Variants in MYO6 observed in about 807,000 individuals in gnomAD.
The protein encoded by MYO6 is myosin VI, also known as unconventional myosin-VI.
Under a neutral mutation model 178.7 loss-of-function variants are expected in MYO6, and 74 were observed. That is an observed-to-expected ratio of 0.41 (90% CI 0.34 to 0.50). MYO6 has a LOEUF of 0.50. Ranked by LOEUF, MYO6 falls within the 20% of genes least tolerant of loss-of-function variation. MYO6 has a pLI of 0.09. For missense variants in MYO6, 1,330 were observed against 1,547.4 expected (o/e 0.86, Z 2.36); for synonymous variants, 477 against 504.6 (o/e 0.95, Z 0.73).
chr6:75,844,789 T>G, intron 9 of MYO6, 108 bp from the exon 10 acceptor site: 1 of 833,332 alleles, frequency 1.2e-6, no homozygotes, highest in Admixed American at 1.9e-5. Flanking sequence ...ACTCAAGTTG[T>G]GTTTAGAAAT....
intron 28 of MYO6, 46 bp downstream of exon 28, chr6:75,892,736 C>T: frequency 1.3e-6 from 2 of 1,597,368 alleles, no homozygotes; most frequent in Non-Finnish European, 1.7e-6. Context: ...CCTTTGCTTT[C>T]TCTACCTCTC....
At chr6:75,763,513 C>T (rs1385703813) in intron 1 of MYO6, among the ~76,000 whole-genome samples, 2 of 152,086 alleles carry the variant, frequency 1.3e-5, no homozygotes, top group South Asian at 2.1e-4. Context: ...TATAAACATG[C>T]CAAAATGAAA....
At chr6:75,899,980 GTGGTGTT>G (rs1779618389) in intron 30 of MYO6, among the ~76,000 whole-genome samples, 1 of 147,114 alleles carries the variant, frequency 6.8e-6, no homozygotes. Context: ...GTGAGAATAT[GTGGTGTT>G]TGGTTTTTTG....
intron 33 of MYO6, among the ~76,000 whole-genome samples, chr6:75,913,612 A>T (rs879291611): frequency 6.6e-6 from 1 of 152,224 alleles, no homozygotes; most frequent in African/African-American, 2.4e-5. Flanking sequence ...ACAAATGTCT[A>T]CATCCTTCAG....
Position 75,886,006 on chromosome 6 carries a change from A to G in MYO6, c.2419A>G (p.Lys807Glu). 6.3e-7 allele frequency: 1 copy of G among 1,590,582 alleles called. No individual in the cohort carries two copies. The highest frequency in any genetic ancestry group is 8.6e-7 in the Non-Finnish European group (1 of 1,159,812). The part of the protein sequence containing the change: ...QWCSLSVIKL[K>E]NKIKYRAEAC... ...TTTTATTTTACTCTTACACATAGTG[A>G]AAAACAAAATAAAATATCGAGCTGA... Residue 807 changes from lysine (K) to glutamate (E), a missense_variant and splice_region_variant, in exon 24 of 35, where the codon AAA becomes GAA. Coordinates refer to ENST00000369977, the MANE Select transcript of MYO6 (RefSeq NM_004999.4).
At position 75,787,163 on chromosome 6, in the gene MYO6, C is replaced by A. The variant is rs148605431; in HGVS notation, c.-47-30338C>A. ...ACTAGAAAGGCTAAAATTTTTTACA[C>A]TTATACTACTAAATGCTAGCAAGGA... On this transcript the variant is annotated intron_variant, in intron 1 of 34. Coordinates refer to ENST00000369977, the MANE Select transcript of MYO6 (RefSeq NM_004999.4). Among the ~76,000 whole-genome samples, 206 of 152,262 alleles carry A rather than the reference C, an allele frequency of 1.4e-3. 1 individual carries two copies. The highest frequency in any genetic ancestry group is 4.6e-3 in the African/African-American group (193 of 41,552).
chr6:75,757,298 ATG>A (rs1402004646), intron 1 of MYO6, among the ~76,000 whole-genome samples: 5 of 148,714 alleles, frequency 3.4e-5, no homozygotes, highest in Non-Finnish European at 7.5e-5. Context: ...ATGTGTGTGT[ATG>A]TATACACACA....
intron 1 of MYO6, among the ~76,000 whole-genome samples, chr6:75,781,487 G>A (rs1015851785): frequency 6.6e-6 from 1 of 152,106 alleles, no homozygotes; most frequent in African/African-American, 2.4e-5. Context: ...ACAGTGAGAG[G>A]GATATTTTTT....
chr6:75,808,671 A>C (rs71561445), intron 1 of MYO6, among the ~76,000 whole-genome samples: 3 of 152,182 alleles, frequency 2.0e-5, no homozygotes, highest in South Asian at 2.1e-4. Context: ...GTCTCAACCA[A>C]TTTAGAAAGT....
At chr6:75,761,288 G>A (rs1356439902) in intron 1 of MYO6, among the ~76,000 whole-genome samples, 4 of 152,232 alleles carry the variant, frequency 2.6e-5, no homozygotes, top group African/African-American at 9.6e-5. Flanking sequence ...AGAGGTTTAT[G>A]TTAAAGGTTT....
intron 34 of MYO6, 33 bp from the exon 35 acceptor site, chr6:75,914,779 GA>G (rs1781022787): frequency 6.3e-7 from 1 of 1,599,032 alleles, no homozygotes; most frequent in East Asian, 2.2e-5. Flanking sequence ...CCTGAAGAGA[GA>G]GATGGTAATT....
At chr6:75,908,919 A>G (rs1780553827) in intron 32 of MYO6, among the ~76,000 whole-genome samples, 1 of 152,234 alleles carries the variant, frequency 6.6e-6, no homozygotes, top group African/African-American at 2.4e-5. Flanking sequence ...ACACGTGCAC[A>G]CACTCACAAG....
At position 75,918,665 on chromosome 6, in the gene MYO6, C is replaced by G. The variant is rs769141318; in HGVS notation, c.*3653C>G. 1 of 152,208 alleles carries G rather than the reference C, an allele frequency of 6.6e-6. No homozygotes were observed. Among genetic ancestry groups the G allele is most frequent in the African/African-American group, 2.4e-5 (1 of 41,458 alleles). 9.4% of individuals were successfully genotyped at this position (152,208 alleles called of 1,614,324 possible). A position where few individuals can be genotyped will look rare whatever the true frequency, so the allele number is the denominator to read the frequency against. On this transcript the variant is annotated 3_prime_UTR_variant, in exon 35 of 35. Coordinates refer to ENST00000369977, the MANE Select transcript of MYO6 (RefSeq NM_004999.4). ...CACCTACTCTGCTGGGAGCACTTCT[C>G]TGAGTACGCTTTAGTTCAATTCAAA...
Position 75,873,194 on chromosome 6 carries a change from T to C in MYO6, c.1984-13T>C. ...TATATGTATTGTAACAAAAAGTACC[T>C]TTATTTTCCTAGGGAGCAAGCTTTA... is the stretch of plus-strand genomic sequence containing the variant. On this transcript the variant is annotated splice_polypyrimidine_tract_variant and intron_variant, in intron 19 of 34. Coordinates refer to ENST00000369977, the MANE Select transcript of MYO6 (RefSeq NM_004999.4). 6.2e-7 allele frequency: 1 copy of C among 1,609,998 alleles called. No homozygotes were observed. The highest frequency in any genetic ancestry group is 2.2e-5 in the East Asian group (1 of 44,832).
chr6:75,822,872 T>G, intron 3 of MYO6, 21 bp downstream of exon 3: 2 of 1,571,838 alleles, frequency 1.3e-6, no homozygotes, highest in South Asian at 1.1e-5. Flanking sequence ...AGTTAAAAAT[T>G]AACTCTCCGC....
At chr6:75,869,687 T>C (rs992331457) in intron 18 of MYO6, among the ~76,000 whole-genome samples, 2 of 152,182 alleles carry the variant, frequency 1.3e-5, no homozygotes, top group Non-Finnish European at 2.9e-5. Flanking sequence ...ATGATTTTAA[T>C]ACACTGAACC....
chr6:75,766,592 A>G (rs1426673275), intron 1 of MYO6, among the ~76,000 whole-genome samples: 2 of 152,204 alleles, frequency 1.3e-5, no homozygotes, highest in Non-Finnish European at 2.9e-5. Context: ...ATAATCATGA[A>G]TGCAGCAGCT....
chr6:75,802,337 C>T (rs917103611), intron 1 of MYO6, among the ~76,000 whole-genome samples: 12 of 151,868 alleles, frequency 7.9e-5, no homozygotes, highest in South Asian at 4.2e-4. Flanking sequence ...GGCGTGGTAG[C>T]GCGTGCCTGT....
rs565207817 is a variant in MYO6, at chr6:75,873,314, C to T, written c.2077+14C>T. ...TTCAGTGTTCAGGTATTTTCATAAT[C>T]TCTGTCAGTGTGTGTTAGTAGTCAT... is the stretch of plus-strand genomic sequence containing the variant. On this transcript the variant is annotated intron_variant, in intron 20 of 34. Transcript: ENST00000369977. 3 of 1,583,316 alleles carry T rather than the reference C, an allele frequency of 1.9e-6. No individual in the cohort carries two copies. Among genetic ancestry groups the T allele is most frequent in the Non-Finnish European group, 2.6e-6 (3 of 1,152,006 alleles).
Sources: allele counts gnomAD v4.1 joint callset (sites outside exome capture counted in the v4.1 genomes callset), GRCh38; gene constraint gnomAD v4.1.1; transcripts MANE v1.5; gene names NCBI Gene and HGNC (gene_info 2026-07-23, HGNC 2026-07-21).